The following ADGRF1 variants were observed in gnomAD, a reference collection of about 807,000 sequenced individuals.
ADGRF1 encodes G protein-coupled receptor 110.
In ADGRF1, 85 loss-of-function variants were observed where a neutral mutation model predicts 87.2. The ratio of observed to expected loss-of-function variants is 0.97; its 90% CI spans 0.82 to 1.17. The LOEUF (loss-of-function observed/expected upper bound fraction) is 1.17. Ranked by LOEUF, ADGRF1 falls within the 50% of genes most tolerant of loss-of-function variation. The pLI is 0.00. For synonymous variants in ADGRF1, 430 were observed against 408.8 expected, an observed-to-expected ratio of 1.05 and a Z score of -0.63; for missense variants, 1,169 against 1,077.2, an observed-to-expected ratio of 1.09 and a Z score of -1.19.
At chr6:47,005,665 T>G in intron 13 of ADGRF1, 152 bp downstream of exon 13, 2 of 562,078 alleles carry the variant, frequency 3.6e-6, no homozygotes, top group East Asian at 5.9e-5. Flanking sequence ...CTACCACTCA[T>G]GTGCCAGGCT....
chr6:47,021,661 C>T (rs916411706), intron 6 of ADGRF1, among the ~76,000 whole-genome samples: 1 of 151,942 alleles, frequency 6.6e-6, no homozygotes, highest in Admixed American at 6.6e-5. Context: ...ATGCCCGGTC[C>T]ATAAAAATTT....
chr6:47,022,143 A>G (rs1780078018), intron 5 of ADGRF1, 85 bp from the exon 6 acceptor site: 6 of 780,170 alleles, frequency 7.7e-6, no homozygotes, highest in Non-Finnish European at 1.3e-5. Flanking sequence ...AGTACAATTC[A>G]GAGTCATCTA....
chr6:47,024,125 G>T lies in ADGRF1; in HGVS notation c.370C>A (p.Leu124Ile), dbSNP rs888601282. The T allele has an allele frequency of 8.7e-6, 14 of 1,614,088 alleles. No individual in the cohort carries two copies. Among genetic ancestry groups the T allele is most frequent in the Non-Finnish European group, 1.1e-5 (13 of 1,179,940 alleles). The change falls in exon 5 of 15, where the codon CTT (leucine) becomes ATT (isoleucine). Residue 124 changes from leucine to isoleucine, a missense_variant. Physicochemically the swap from Leu to Ile is conservative, Grantham distance 5. Coordinates refer to ENST00000371253, the MANE Select transcript of ADGRF1 (RefSeq NM_153840.4). Reference protein sequence around the residue: ...PSCLDPQNCYLHTAGALPSCE... With the variant: ...PSCLDPQNCYIHTAGALPSCE... ...CTTGGGAGTGCTCCAGCCGTGTGAA[G>T]GTAGCAGTTCTGGGGATCAAGGCAT...
At chr6:47,010,765 T>C (rs530380390) in intron 10 of ADGRF1, among the ~76,000 whole-genome samples, 2 of 152,358 alleles carry the variant, frequency 1.3e-5, no homozygotes, top group South Asian at 4.1e-4. Context: ...ACATAAGAGA[T>C]GCTCAAATTT....
Position 47,009,676 on chromosome 6 carries a change from AT to A in ADGRF1, c.1758del (p.Lys586AsnfsTer19). The A allele has an allele frequency of 6.2e-7, 1 of 1,614,196 alleles. No homozygotes were observed. The highest frequency in any genetic ancestry group is 8.5e-7 in the Non-Finnish European group (1 of 1,180,026). The stretch of plus-strand genomic sequence containing the variant: ...ATACCCAGTCCCACATAGGTGATCC[AT>A]TTTACAACGGGGAAGATTGTAGAGG... ...FVPSTIFPVV[K>X]WITYVGLGIS... On this transcript the variant is annotated frameshift_variant, in exon 11 of 15. Coordinates refer to ENST00000371253, the MANE Select transcript of ADGRF1 (RefSeq NM_153840.4). LOFTEE classifies it high-confidence loss of function.
chr6:47,012,059 A>G lies in ADGRF1; in HGVS notation c.1064T>C (p.Ile355Thr). ...LASVVSILSN[I>T]SSLSLASHFR... The stretch of plus-strand genomic sequence containing the variant: ...ATGGCTGGCCAGTGACAGAGATGAA[A>G]TATTGCTCAGAATCGACACCACCGA... The change falls in exon 10 of 15, where the codon ATT (isoleucine) becomes ACT (threonine). Residue 355 changes from isoleucine to threonine, a missense_variant. Physicochemically the swap from Ile to Thr is moderately conservative, Grantham distance 89. Coordinates refer to ENST00000371253, the MANE Select transcript of ADGRF1 (RefSeq NM_153840.4). The G allele has an allele frequency of 2.5e-6, 4 of 1,614,040 alleles. No homozygotes were observed. The highest frequency in any genetic ancestry group is 2.5e-6 in the Non-Finnish European group (3 of 1,179,958).
rs1460814582 is a variant in ADGRF1 at position 47,005,817 on chromosome 6, C to A, written c.2592G>T (p.Lys864Asn). 6.2e-7 allele frequency: 1 copy of A among 1,608,482 alleles called. No individual in the cohort carries two copies. Among genetic ancestry groups the A allele is most frequent in the Non-Finnish European group, 8.5e-7 (1 of 1,176,640 alleles). ...ATTCATGGCAGTAGGAGATAATTAC[C>A]TTTTCTGTTTGCTTCCAAGAACTTA... ...SALSSWKQTE[K>N]QNSSDLSAKP... is the part of the protein sequence containing the mutation. Residue 864 changes from lysine (K) to asparagine (N), a missense_variant and splice_region_variant, in exon 13 of 15, where the codon AAG becomes AAT. Physicochemically the swap from Lys to Asn is moderately conservative, Grantham distance 94. Transcript: ENST00000371253.
At chr6:47,015,042 ACC>A (rs1399436853) in intron 8 of ADGRF1, among the ~76,000 whole-genome samples, 198 bp from the exon 9 acceptor site, 23 of 152,154 alleles carry the variant, frequency 1.5e-4, no homozygotes, top group Admixed American at 5.2e-4. Flanking sequence ...CTGATGCCTT[ACC>A]CTCCCTGAGG....
At chr6:47,002,164 T>C (rs2113873689) in intron 13 of ADGRF1, among the ~76,000 whole-genome samples, 1 of 152,360 alleles carries the variant, frequency 6.6e-6, no homozygotes, top group Admixed American at 6.5e-5. Context: ...TAGTTCATCA[T>C]TCATTTGTCC....
At chr6:47,030,292 T>A (rs867841541) in intron 1 of ADGRF1, among the ~76,000 whole-genome samples, 9 of 152,218 alleles carry the variant, frequency 5.9e-5, no homozygotes, top group Non-Finnish European at 2.9e-5. Flanking sequence ...GTACAGCTTT[T>A]GAATTTACCT....
chr6:47,024,302 T>C (rs1780160517), intron 4 of ADGRF1, 85 bp from the exon 5 acceptor site: 1 of 957,778 alleles, frequency 1.0e-6, no homozygotes, highest in African/African-American at 1.7e-5. Context: ...TATATATGTT[T>C]ATTTTTCAGA....
intron 1 of ADGRF1, among the ~76,000 whole-genome samples, chr6:47,033,271 C>A (rs1241235843): frequency 6.6e-6 from 1 of 152,236 alleles, no homozygotes; most frequent in Non-Finnish European, 1.5e-5. Flanking sequence ...AATTCATTCC[C>A]TGTCCTTCAG....
At chr6:47,003,174 T>C (rs1214564168) in intron 13 of ADGRF1, among the ~76,000 whole-genome samples, 3 of 152,032 alleles carry the variant, frequency 2.0e-5, no homozygotes, top group East Asian at 1.9e-4. Flanking sequence ...ACATGCTTCA[T>C]TGTAGTCTTC....
chr6:47,010,272 G>A lies in ADGRF1; in HGVS notation c.1163C>T (p.Thr388Ile). 1 of 1,613,372 alleles carries A rather than the reference G, an allele frequency of 6.2e-7. No individual in the cohort carries two copies. The highest frequency in any genetic ancestry group is 8.5e-7 in the Non-Finnish European group (1 of 1,179,724). Residue 388 changes from threonine (T) to isoleucine (I), a missense_variant, in exon 11 of 15, where the codon ACC becomes ATC. Transcript: ENST00000371253. ...ADNILNSASV[T>I]NWTVLLREEK... ...TTCCCGCAGTAAGACTGTCCAGTTG[G>A]TTACTGAGGCTGAATTAAGGATATT... is the stretch of plus-strand genomic sequence containing the variant.
At chr6:47,040,792 CT>C (rs918641497) in intron 1 of ADGRF1, among the ~76,000 whole-genome samples, 12 of 152,170 alleles carry the variant, frequency 7.9e-5, no homozygotes, top group Non-Finnish European at 1.6e-4. Context: ...TGTTCATTTA[CT>C]TTTTTAAAGA....
intron 9 of ADGRF1, chr6:47,012,760 C>T (rs1779747242): frequency 1.0e-6 from 1 of 985,300 alleles, no homozygotes. Flanking sequence ...CCCGTTTTGT[C>T]ACAAGATTTG....
intron 1 of ADGRF1, among the ~76,000 whole-genome samples, chr6:47,031,129 T>A (rs868569829): frequency 6.6e-6 from 1 of 152,268 alleles, no homozygotes; most frequent in Middle Eastern, 3.4e-3. Flanking sequence ...AGACCACAGT[T>A]TATAGTGCTG....
rs1455595159 is a variant in ADGRF1 at position 46,999,543 on chromosome 6, G to C, written c.*679C>G. 6.6e-6 allele frequency: 1 copy of C among 152,160 alleles called. No homozygotes were observed. The highest frequency in any genetic ancestry group is 1.5e-5 in the Non-Finnish European group (1 of 68,034). The allele number at this position is 152,160 out of a possible 1,614,324, so 9.4% of individuals were successfully genotyped here. A position where few individuals can be genotyped will look rare whatever the true frequency, so the allele number is the denominator to read the frequency against. ...TAGGTCTGCCTTGACACTTTTGTTT[G>C]CAGGGTTTAGGACCAGATGGAAGTG... On this transcript the variant is annotated 3_prime_UTR_variant, in exon 15 of 15. Transcript: ENST00000371253.
intron 9 of ADGRF1, 37 bp from the exon 10 acceptor site, chr6:47,012,232 A>G: frequency 1.3e-6 from 2 of 1,596,510 alleles, no homozygotes; most frequent in South Asian, 2.2e-5. Flanking sequence ...GAAAACAATG[A>G]CATGCTGTGT....
Sources: gnomAD v4.1 joint callset for allele counts (sites outside exome capture counted in the v4.1 genomes callset) on GRCh38, gnomAD v4.1.1 for gene constraint, MANE v1.5 for transcripts, NCBI Gene and HGNC (gene_info 2026-07-23, HGNC 2026-07-21) for gene names.